The following PCDHGB5 variants were observed in gnomAD, a reference collection of about 807,000 sequenced individuals.
The protein encoded by PCDHGB5 is protocadherin gamma subfamily B, 5.
A neutral mutation model predicts 62.9 loss-of-function variants in PCDHGB5; 48 were observed. The ratio of observed to expected loss-of-function variants is 0.76; its 90% CI spans 0.61 to 0.97. PCDHGB5 has a LOEUF of 0.97. Among genes scored for constraint, PCDHGB5 ranks in the 50% least tolerant of loss-of-function variants. PCDHGB5 has a pLI of 0.00. For synonymous variants in PCDHGB5, 474 were observed against 511.2 expected (o/e 0.93, Z 0.98); for missense variants, 1,118 against 1,198.6 (o/e 0.93, Z 0.99).
In PCDHGB5 at chr5:141,490,803, C is replaced by A; in HGVS notation, c.2398-4004C>A. The A allele has an allele frequency of 6.2e-7, 1 of 1,613,956 alleles. No homozygotes were observed. Among genetic ancestry groups the A allele is most frequent in the South Asian group, 1.1e-5 (1 of 91,080 alleles). On this transcript the variant is annotated intron_variant, in intron 1 of 3. Transcript: ENST00000617380. The surrounding 1 kb of genome is among the most constrained non-coding windows in gnomAD (Gnocchi z 5.4). ...ATGGACGGATCTTTGCCCAGCGTAC[C>A]TTTGACTATGAATTGCTGCAGATGC...
At position 141,431,258 on chromosome 5, in the gene PCDHGB5, C is replaced by G. The variant is rs754250241; in HGVS notation, c.2397+30734C>G. 6.2e-6 allele frequency: 10 copies of G among 1,614,186 alleles called. No individual in the cohort carries two copies. The highest frequency in any genetic ancestry group is 1.6e-4 in the Middle Eastern group (1 of 6,062). ...GGATCCGGATATCGGGAAGAACTCT[C>G]TGCAGAGCTACGAGCTCAGCCCGAA... On this transcript the variant is annotated intron_variant, in intron 1 of 3. Transcript: ENST00000617380. This position sits in a 1 kb window ranked among gnomAD's most constrained non-coding sequence, Gnocchi z 4.8.
rs564582881 is a variant in PCDHGB5, at chr5:141,432,735, C to T, written c.2397+32211C>T. ...CAGCCCCCTCTCTCCGCCACTGTCA[C>T]GCTCACCGTGGCCGTGGCCGACAGC... On this transcript the variant is annotated intron_variant, in intron 1 of 3. Coordinates refer to ENST00000617380, the MANE Select transcript of PCDHGB5 (RefSeq NM_018925.3). This position sits in a 1 kb window ranked among gnomAD's most constrained non-coding sequence, Gnocchi z 6.0. 2 of 1,614,094 alleles carry T rather than the reference C, an allele frequency of 1.2e-6. No individual in the cohort carries two copies. The highest frequency in any genetic ancestry group is 1.1e-5 in the South Asian group (1 of 91,086).
At position 141,399,310 on chromosome 5, in the gene PCDHGB5, A is replaced by G; in HGVS notation, c.1183A>G (p.Lys395Glu). 2 of 1,613,936 alleles carry G rather than the reference A, an allele frequency of 1.2e-6. No homozygotes were observed. Among genetic ancestry groups the G allele is most frequent in the Non-Finnish European group, 1.7e-6 (2 of 1,179,860 alleles). The change falls in exon 1 of 4, where the codon AAA becomes GAA. Residue 395 changes from lysine (K) to glutamate (E), a missense_variant. Around this residue, in one of 2 missense-constraint regions of PCDHGB5, gnomAD observed 1,034 missense variants for 1,029.1 expected, o/e 1.00. Transcript: ENST00000617380. ...EVPFKIISSS[K>E]NSYKLVTDGT... ...CCCTTTTAAGATTATCTCTTCATCC[A>G]AAAATTCGTATAAGTTGGTAACAGA...
intron 1 of PCDHGB5, among the ~76,000 whole-genome samples, chr5:141,459,348 C>G (rs1015330513): frequency 2.6e-5 from 4 of 152,194 alleles, no homozygotes; most frequent in Admixed American, 2.0e-4. Context: ...TCTTGAAATT[C>G]ATTCATGTTC....
rs768354664 is a variant in PCDHGB5 at position 141,485,690 on chromosome 5, A to C, written c.2398-9117A>C. On this transcript the variant is annotated intron_variant, in intron 1 of 3. Coordinates refer to ENST00000617380, the MANE Select transcript of PCDHGB5 (RefSeq NM_018925.3). This position sits in a 1 kb window ranked among gnomAD's most constrained non-coding sequence, Gnocchi z 5.7. ...CAATTCGATTAGCAGCTATAGGCTG[A>C]GCTCCAATGAACACTTTGCACTGGA... 1.6e-5 allele frequency: 26 copies of C among 1,614,106 alleles called. No individual in the cohort carries two copies. In the South Asian group the frequency reaches 2.7e-4, roughly 17 times the overall value.
chr5:141,431,610 T>A lies in PCDHGB5; in HGVS notation c.2397+31086T>A. The stretch of plus-strand genomic sequence containing the variant: ...GAAGTGAGGTATTCCTTCCGGTATG[T>A]GGACGACAAGGCGGCCCAAGTTTTC... On this transcript the variant is annotated intron_variant, in intron 1 of 3. Transcript: ENST00000617380. The surrounding 1 kb of genome is among the most constrained non-coding windows in gnomAD (Gnocchi z 4.8). 6.2e-7 allele frequency: 1 copy of A among 1,614,238 alleles called. No homozygotes were observed. Among genetic ancestry groups the A allele is most frequent in the Non-Finnish European group, 8.5e-7 (1 of 1,180,034 alleles).
chr5:141,507,735 C>T (rs942364858), intron 3 of PCDHGB5, among the ~76,000 whole-genome samples: 3 of 152,268 alleles, frequency 2.0e-5, no homozygotes, highest in Non-Finnish European at 2.9e-5. Flanking sequence ...TCATGCAGCT[C>T]GTTCCCCTGT....
chr5:141,496,554 G>T (rs2099769470), intron 2 of PCDHGB5, among the ~76,000 whole-genome samples: 1 of 152,160 alleles, frequency 6.6e-6, no homozygotes, highest in Non-Finnish European at 1.5e-5. Context: ...TTCTGGGCAT[G>T]CACAGTCCTG....
intron 1 of PCDHGB5, among the ~76,000 whole-genome samples, chr5:141,449,586 C>T (rs2098645911): frequency 1.6e-5 from 2 of 125,482 alleles, no homozygotes; most frequent in East Asian, 2.3e-4. Context: ...AAGACTCTGT[C>T]TCAAAAAAAA....
Position 141,476,374 on chromosome 5 carries a change from G to A in PCDHGB5, c.2398-18433G>A. 1.2e-6 allele frequency: 2 copies of A among 1,614,178 alleles called. No individual in the cohort carries two copies. Among genetic ancestry groups the A allele is most frequent in the Non-Finnish European group, 1.7e-6 (2 of 1,180,044 alleles). On this transcript the variant is annotated intron_variant, in intron 1 of 3. Transcript: ENST00000617380. This position sits in a 1 kb window ranked among gnomAD's most constrained non-coding sequence, Gnocchi z 7.6. ...AGGTGAACCGGGAGACCGGAGAGATGTTTGTGAACGACCGTCTGGATCGAG... is the reference window on the plus strand; with the variant it reads ...AGGTGAACCGGGAGACCGGAGAGATATTTGTGAACGACCGTCTGGATCGAG...
Position 141,432,153 on chromosome 5 carries a change from A to T in PCDHGB5, c.2397+31629A>T. 6.2e-7 allele frequency: 1 copy of T among 1,613,758 alleles called. No homozygotes were observed. The highest frequency in any genetic ancestry group is 8.5e-7 in the Non-Finnish European group (1 of 1,179,910). On this transcript the variant is annotated intron_variant, in intron 1 of 3. Transcript: ENST00000617380. This position sits in a 1 kb window ranked among gnomAD's most constrained non-coding sequence, Gnocchi z 6.0. ...TATTCCGCTTATATCCCAGAGAACA[A>T]TCCCAGAGGAGTTTCCCTCGTCTCT...
intron 1 of PCDHGB5, chr5:141,415,641 T>TAA (rs113784532): frequency 8.4e-5 from 108 of 1,280,644 alleles, no homozygotes; most frequent in African/African-American, 8.0e-4. Flanking sequence ...TTACTTTTGT[T>TAA]AAAAAAAAAA....
intron 1 of PCDHGB5, chr5:141,427,328 T>G (rs951396612): frequency 1.6e-4 from 74 of 457,122 alleles, no homozygotes; most frequent in Admixed American, 1.2e-3. Context: ...TGGTTTTTAC[T>G]TCAGTGTCCA....
Position 141,501,290 on chromosome 5 carries a change from TACACACACACACAC to T in PCDHGB5, c.2457-4072_2457-4059del, listed in dbSNP as rs55762287. ...GTCCAGTCTATGGGATATTCCCTTA[TACACACACACACAC>T]ACACACACACACACACACACACACA... On this transcript the variant is annotated intron_variant, in intron 2 of 3. Transcript: ENST00000617380. Among the ~76,000 whole-genome samples, 10 of 136,248 alleles carry T rather than the reference TACACACACACACAC, an allele frequency of 7.3e-5. No homozygotes were observed. In the South Asian group the frequency reaches 1.2e-3, roughly 16 times the overall value. 89.4% of individuals were successfully genotyped at this position (136,248 alleles called of 152,430 possible).
chr5:141,430,796 C>A, intron 1 of PCDHGB5: 1 of 1,522,232 alleles, frequency 6.6e-7, no homozygotes, highest in Middle Eastern at 1.8e-4. Context: ...CTACAAAGGG[C>A]TTGTCCTGCT....
chr5:141,415,007 G>C, intron 1 of PCDHGB5: 1 of 1,613,654 alleles, frequency 6.2e-7, no homozygotes, highest in Non-Finnish European at 8.5e-7. Context: ...CTGTCCTACC[G>C]TCTGCTCAAG....
At chr5:141,409,511 A>C in intron 1 of PCDHGB5, 1 of 1,614,018 alleles carries the variant, frequency 6.2e-7, no homozygotes, top group Non-Finnish European at 8.5e-7. Flanking sequence ...TTCCAGTAGA[A>C]GCATCACCTT....
chr5:141,474,405 G>C (rs2099348833), intron 1 of PCDHGB5, among the ~76,000 whole-genome samples: 1 of 152,196 alleles, frequency 6.6e-6, no homozygotes, highest in Admixed American at 6.5e-5. Context: ...AAGCTCCCCG[G>C]TGATGCCTAG....
chr5:141,481,071 A>G (rs887828386), intron 1 of PCDHGB5, among the ~76,000 whole-genome samples: 19 of 152,172 alleles, frequency 1.2e-4, no homozygotes, highest in African/African-American at 4.6e-4. Context: ...AACAAAAAGA[A>G]AGAAAGAAAA....
Sources: gnomAD v4.1 joint callset for allele counts (sites outside exome capture counted in the v4.1 genomes callset) on GRCh38, gnomAD v4.1.1 for gene constraint, gnomAD v4.1.1 regional missense constraint, Gnocchi (gnomAD v3.1) non-coding constraint, MANE v1.5 for transcripts, NCBI Gene and HGNC (gene_info 2026-07-23, HGNC 2026-07-21) for gene names.